Variants in RAPH1 observed in about 807,000 individuals in gnomAD.
RAPH1 encodes Ras association (RalGDS/AF-6) and pleckstrin homology domains 1.
A neutral mutation model predicts 88.1 loss-of-function variants in RAPH1; 18 were observed. That is an observed-to-expected ratio of 0.20 (90% CI 0.14 to 0.30). RAPH1 has a LOEUF of 0.30. RAPH1 is among the 10% of genes least tolerant of loss of function. RAPH1 has a pLI of 1.00. For synonymous variants in RAPH1, 587 were observed against 559.0 expected (o/e 1.05, Z -0.71); for missense variants, 1,448 against 1,543.2 (o/e 0.94, Z 1.03).
Position 203,506,733 on chromosome 2 carries a change from G to GATATATATATCGAT in RAPH1, c.1-11381_1-11380insATCGATATATATAT. On this transcript the variant is annotated intron_variant, in intron 1 of 13. Coordinates refer to ENST00000319170, the MANE Select transcript of RAPH1 (RefSeq NM_213589.3). The stretch of plus-strand genomic sequence containing the variant: ...ATCCACTGACTAAAATCCATATATA[G>GATATATATATCGAT]ATATATATCTATATATATATATATC... Among the ~76,000 whole-genome samples, 130 of 106,280 alleles carry GATATATATATCGAT rather than the reference G, an allele frequency of 1.2e-3. 17 individuals carry two copies. Among genetic ancestry groups the GATATATATATCGAT allele is most frequent in the African/African-American group, 6.9e-3 (121 of 17,450 alleles). 69.7% of individuals were successfully genotyped at this position (106,280 alleles called of 152,430 possible).
At chr2:203,494,728 GA>G (rs1197946757) in intron 2 of RAPH1, among the ~76,000 whole-genome samples, 1 of 148,746 alleles carries the variant, frequency 6.7e-6, no homozygotes, top group African/African-American at 2.5e-5. Context: ...AGAATGGCGT[GA>G]ACCCCGGAGA....
At chr2:203,503,304 G>A (rs1414428205) in intron 1 of RAPH1, among the ~76,000 whole-genome samples, 1 of 152,150 alleles carries the variant, frequency 6.6e-6, no homozygotes, top group Admixed American at 6.5e-5. Flanking sequence ...TTTTCATGCT[G>A]CTGATAAAGA....
intron 4 of RAPH1, chr2:203,477,262 G>T: frequency 1.2e-6 from 1 of 811,368 alleles, no homozygotes; most frequent in Non-Finnish European, 2.1e-6. Flanking sequence ...AAACAAAACA[G>T]TAATGAAACA....
At chr2:203,481,611 AGATGGAGGCTCGCTCTGTCACCCAG>A (rs1687725918) in intron 4 of RAPH1, among the ~76,000 whole-genome samples, 1 of 140,736 alleles carries the variant, frequency 7.1e-6, no homozygotes, top group Non-Finnish European at 1.5e-5. Context: ...TTTTTTTTTG[AGATGGAGGCTCGCTCTGTCACCCAG>A]GATGGAGTAC....
chr2:203,468,490 C>T (rs1332211114), intron 4 of RAPH1, among the ~76,000 whole-genome samples: 2 of 152,170 alleles, frequency 1.3e-5, no homozygotes, highest in African/African-American at 4.8e-5. Flanking sequence ...ACCCGCTGAT[C>T]TCATCATCTA....
intron 9 of RAPH1, among the ~76,000 whole-genome samples, chr2:203,455,004 T>G (rs1028983410): frequency 3.3e-5 from 5 of 152,134 alleles, no homozygotes; most frequent in Admixed American, 6.5e-5. Flanking sequence ...CTAGATGAGA[T>G]AATACTGTAA....
intron 1 of RAPH1, among the ~76,000 whole-genome samples, chr2:203,521,001 G>A (rs1689841649): frequency 6.6e-6 from 1 of 152,206 alleles, no homozygotes; most frequent in South Asian, 2.1e-4. Context: ...CTGGATCTAT[G>A]AATCAGCATA....
At chr2:203,520,463 A>G (rs1371192870) in intron 1 of RAPH1, among the ~76,000 whole-genome samples, 2 of 152,042 alleles carry the variant, frequency 1.3e-5, no homozygotes, top group Non-Finnish European at 2.9e-5. Context: ...CCCCGTTTCT[A>G]CTAAAAATAA....
At position 203,436,914 on chromosome 2, in the gene RAPH1, T is replaced by A. The variant is rs1274688129; in HGVS notation, c.*2523A>T. The A allele has an allele frequency of 2.0e-5, 3 of 152,230 alleles. No individual in the cohort carries two copies. The highest frequency in any genetic ancestry group is 2.9e-5 in the Non-Finnish European group (2 of 68,044). The allele number at this position is 152,230 out of a possible 1,614,324, so 9.4% of individuals were successfully genotyped here. A position where few individuals can be genotyped will look rare whatever the true frequency, so the allele number is the denominator to read the frequency against. ...ATAAAGTATCACTTTAGTGGTTTTT[T>A]AAATTCAGTTCATACATGAGGTTAA... On this transcript the variant is annotated 3_prime_UTR_variant, in exon 14 of 14. Coordinates refer to ENST00000319170, the MANE Select transcript of RAPH1 (RefSeq NM_213589.3).
At chr2:203,475,035 C>T (rs1370079538) in intron 4 of RAPH1, among the ~76,000 whole-genome samples, 1 of 152,132 alleles carries the variant, frequency 6.6e-6, no homozygotes, top group Non-Finnish European at 1.5e-5. Flanking sequence ...CGTTTGAACC[C>T]AGGAGGCAGA....
At chr2:203,483,324 G>A (rs1229481634) in intron 4 of RAPH1, among the ~76,000 whole-genome samples, 3 of 152,326 alleles carry the variant, frequency 2.0e-5, no homozygotes, top group African/African-American at 7.2e-5. Flanking sequence ...TGGTGGCAGT[G>A]AAGGCGGTGA....
intron 10 of RAPH1, among the ~76,000 whole-genome samples, chr2:203,452,736 C>A (rs1243806512): frequency 6.6e-6 from 1 of 152,128 alleles, no homozygotes; most frequent in Non-Finnish European, 1.5e-5. Context: ...CTGAGGCAGG[C>A]GGATCACTTG....
chr2:203,478,419 T>C (rs1406885402), intron 4 of RAPH1, among the ~76,000 whole-genome samples: 2 of 152,112 alleles, frequency 1.3e-5, no homozygotes, highest in African/African-American at 4.8e-5. Context: ...ACTTGTTTGG[T>C]TGTCTATATC....
At chr2:203,517,115 A>T (rs906202016) in intron 1 of RAPH1, among the ~76,000 whole-genome samples, 18 of 152,086 alleles carry the variant, frequency 1.2e-4, no homozygotes, top group African/African-American at 4.3e-4. Flanking sequence ...GTTGTCTACA[A>T]GAAACCCACT....
chr2:203,480,972 T>C (rs1687694891), intron 4 of RAPH1, among the ~76,000 whole-genome samples: 1 of 152,182 alleles, frequency 6.6e-6, no homozygotes, highest in African/African-American at 2.4e-5. Context: ...GTATAAAAAT[T>C]ATGAACGATT....
intron 4 of RAPH1, among the ~76,000 whole-genome samples, chr2:203,486,990 TCA>T (rs900727310): frequency 7.9e-5 from 12 of 152,324 alleles, no homozygotes; most frequent in Admixed American, 5.9e-4. Flanking sequence ...TTTGCAGTAT[TCA>T]CAGTGATACC....
rs1488308709 is a variant in RAPH1 at position 203,434,056 on chromosome 2, C to CTATCTATATATATATATATATA, written c.*5380_*5381insTATATATATATATATATAGATA. On this transcript the variant is annotated 3_prime_UTR_variant, in exon 14 of 14. Coordinates refer to ENST00000319170, the MANE Select transcript of RAPH1 (RefSeq NM_213589.3). ...CTCTCTCATATATCTATCTATCTAT[C>CTATCTATATATATATATATATA]TATATATATATATATATATATATAG... is the stretch of plus-strand genomic sequence containing the variant. The CTATCTATATATATATATATATA allele has an allele frequency of 2.7e-5, 4 of 145,642 alleles. No homozygotes were observed. Among genetic ancestry groups the CTATCTATATATATATATATATA allele is most frequent in the African/African-American group, 1.0e-4 (4 of 39,218 alleles). The allele number at this position is 145,642 out of a possible 1,614,324, so 9.0% of individuals were successfully genotyped here.
At chr2:203,454,622 G>T in intron 9 of RAPH1, 82 bp from the exon 10 acceptor site, 1 of 943,826 alleles carries the variant, frequency 1.1e-6, no homozygotes, top group South Asian at 1.6e-5. Flanking sequence ...TTCTAGGTGA[G>T]AATCAAAACT....
rs773284961 is a variant in RAPH1 at position 203,454,496 on chromosome 2, G to A, written c.1347C>T (p.Asn449=). Reference sequence around the variant, plus strand: ...TCCGATAGTCCTGGCCATAATAAACGTTGACATGATCCAGCTGGAGAAAGC... The same window carrying A: ...TCCGATAGTCCTGGCCATAATAAACATTGACATGATCCAGCTGGAGAAAGC... ...LVCFLQLDHV[N]VYYGQDYRNK... is the part of the protein sequence containing the mutation. The change falls in exon 10 of 14, where the codon AAC becomes AAT. Residue 449 remains asparagine (N), a synonymous_variant. Transcript: ENST00000319170. 40 of 1,613,558 alleles carry A rather than the reference G, an allele frequency of 2.5e-5. No individual in the cohort carries two copies. The highest frequency in any genetic ancestry group is 3.3e-5 in the South Asian group (3 of 90,986).
Sources: gnomAD v4.1 joint callset for allele counts (sites outside exome capture counted in the v4.1 genomes callset) on GRCh38, gnomAD v4.1.1 for gene constraint, MANE v1.5 for transcripts, NCBI Gene and HGNC (gene_info 2026-07-23, HGNC 2026-07-21) for gene names.